COLEC11: variants seen among roughly 807,000 people sequenced by gnomAD.
The protein encoded by COLEC11 is collectin subfamily member 11.
A neutral mutation model predicts 27.3 loss-of-function variants in COLEC11; 20 were observed. The ratio of observed to expected loss-of-function variants is 0.73; its 90% confidence interval spans 0.51 to 1.06. COLEC11 has a LOEUF of 1.06. COLEC11 is among the 50% of genes least tolerant of loss of function. The probability of loss-of-function intolerance (pLI) is 0.00; values close to 1 mark genes in which losing one functional copy is unlikely to be tolerated. For missense variants in COLEC11, 310 were observed against 383.0 expected, an observed-to-expected ratio of 0.81 and a Z score of 1.59; for synonymous variants, 163 against 154.7, an observed-to-expected ratio of 1.05 and a Z score of -0.40.
intron 3 of COLEC11, 116 bp downstream of exon 3, chr2:3,613,498 G>T: frequency 1.8e-6 from 2 of 1,100,400 alleles, no homozygotes; most frequent in Non-Finnish European, 2.7e-6. Flanking sequence ...CTGCCCTCTG[G>T]GTCCCAGGGA....
rs545200515 is a variant in COLEC11, at chr2:3,644,548, A to G, written c.*430A>G. 6.8e-6 allele frequency: 3 copies of G among 440,064 alleles called. No homozygotes were observed. The highest frequency in any genetic ancestry group is 1.4e-5 in the Non-Finnish European group (3 of 221,868). The allele number at this position is 440,064 out of a possible 1,614,324, so 27.3% of individuals were successfully genotyped here. On this transcript the variant is annotated 3_prime_UTR_variant, in exon 7 of 7. Coordinates refer to ENST00000349077, the MANE Select transcript of COLEC11 (RefSeq NM_024027.5). ...CAACACTTCTGTAAATTACATTACA[A>G]TATAGGTTCCTTCACACTATTATCC...
At chr2:3,609,352 ATTTTTTTTTT>A (rs567474674) in intron 2 of COLEC11, among the ~76,000 whole-genome samples, 3 of 87,488 alleles carry the variant, frequency 3.4e-5, no homozygotes, top group Admixed American at 2.1e-4. Flanking sequence ...TTTTTCTTTG[ATTTTTTTTTT>A]TTTTTTTTTT....
rs78465066 is a variant in COLEC11, at chr2:3,616,981, C to T, written c.202+3599C>T. On this transcript the variant is annotated intron_variant, in intron 3 of 6. Transcript: ENST00000349077. The stretch of plus-strand genomic sequence containing the variant: ...TTATCCACTGATTGGTCAACAGACG[C>T]GTAGGTTGTTTTTATGTGATGGCTG... 6.7e-3 allele frequency among the ~76,000 whole-genome samples: 1,027 copies of T among 152,204 alleles called. 14 individuals are homozygous for T. The highest frequency in any genetic ancestry group is 0.024 in the African/African-American group (978 of 41,522).
rs769990502 is a variant in COLEC11, at chr2:3,643,936, G to A, written c.634G>A (p.Gly212Ser). 3 of 1,614,166 alleles carry A rather than the reference G, an allele frequency of 1.9e-6. No individual in the cohort carries two copies. The South Asian group carries it at 3.3e-5, about 18-fold the overall frequency. The change falls in exon 7 of 7, where the codon GGC becomes AGC. Residue 212 changes from glycine (G) to serine (S), a missense_variant. By Grantham distance (56) the Gly-to-Ser change is moderately conservative (BLOSUM62 0). Transcript: ENST00000349077. Reference protein sequence around the residue: ...FIGINDLEKEGAFVYSDHSPM... With the variant: ...FIGINDLEKESAFVYSDHSPM... The stretch of plus-strand genomic sequence containing the variant: ...CGGCATCAACGACCTGGAGAAGGAG[G>A]GCGCCTTCGTGTACTCTGACCACTC...
intron 2 of COLEC11, among the ~76,000 whole-genome samples, chr2:3,608,928 C>T (rs1282351601): frequency 1.3e-5 from 2 of 152,216 alleles, no homozygotes; most frequent in Non-Finnish European, 2.9e-5. Context: ...ATATTTTGTT[C>T]AATCCCCATC....
intron 3 of COLEC11, among the ~76,000 whole-genome samples, chr2:3,628,578 C>T (rs1159869116): frequency 6.6e-6 from 1 of 152,174 alleles, no homozygotes; most frequent in Non-Finnish European, 1.5e-5. Flanking sequence ...TGGGTGTGCG[C>T]TGGGGCTTTG....
rs1161947437 is a variant in COLEC11 at position 3,608,859 on chromosome 2, C to G, written c.130+4389C>G. ...CTCTCTGGTCCTCAGTGCTGTTGGT[C>G]CTGAACCAGGGATTAAAATACTTTT... On this transcript the variant is annotated intron_variant, in intron 2 of 6. Coordinates refer to ENST00000349077, the MANE Select transcript of COLEC11 (RefSeq NM_024027.5). 9.2e-5 allele frequency among the ~76,000 whole-genome samples: 14 copies of G among 152,302 alleles called. No individual in the cohort carries two copies. In the East Asian group the frequency reaches 2.3e-3, roughly 25 times the overall value.
chr2:3,608,717 G>A (rs1300094424), intron 2 of COLEC11, among the ~76,000 whole-genome samples: 5 of 152,196 alleles, frequency 3.3e-5, no homozygotes, highest in African/African-American at 1.2e-4. Context: ...ATTGTGAACA[G>A]TGCTTGAAAA....
Position 3,624,703 on chromosome 2 carries a change from A to AT in COLEC11, c.202+11328dup, listed in dbSNP as rs560721084. 1.7e-4 allele frequency among the ~76,000 whole-genome samples: 26 copies of AT among 152,154 alleles called. No individual in the cohort carries two copies. In the South Asian group the frequency reaches 4.8e-3, roughly 28 times the overall value. ...CCCTCATCAGTGCATCTATTCTTGGATTTTTTTCTCTAACAGTGTGCTGGA... is the reference window on the plus strand; with the variant it reads ...CCCTCATCAGTGCATCTATTCTTGGATTTTTTTTCTCTAACAGTGTGCTGGA... On this transcript the variant is annotated intron_variant, in intron 3 of 6. Coordinates refer to ENST00000349077, the MANE Select transcript of COLEC11 (RefSeq NM_024027.5).
intron 2 of COLEC11, among the ~76,000 whole-genome samples, chr2:3,606,949 G>A (rs1662753405): frequency 6.6e-6 from 1 of 152,220 alleles, no homozygotes; most frequent in African/African-American, 2.4e-5. Context: ...ACAAGCGTCC[G>A]TTGAGAATCC....
chr2:3,636,495 A>G (rs948939643), intron 3 of COLEC11, among the ~76,000 whole-genome samples: 2 of 152,228 alleles, frequency 1.3e-5, no homozygotes, highest in African/African-American at 4.8e-5. Flanking sequence ...GTCTTGCAGG[A>G]TTGCCCACAT....
rs527879882 is a variant in COLEC11 at position 3,630,147 on chromosome 2, G to T, written c.203-7386G>T. On this transcript the variant is annotated intron_variant, in intron 3 of 6. Transcript: ENST00000349077. The stretch of plus-strand genomic sequence containing the variant: ...TGCACATCTCTATGTGTATATGCAT[G>T]TGCATGTGTGTATGTATGCATATAG... 2.6e-4 allele frequency among the ~76,000 whole-genome samples: 40 copies of T among 152,150 alleles called. No individual in the cohort carries two copies. The South Asian group carries it at 7.9e-3, about 30-fold the overall frequency.
rs1001393071 is a variant in COLEC11, at chr2:3,603,451, G to A, written c.-26-864G>A. On this transcript the variant is annotated intron_variant, in intron 1 of 6. Transcript: ENST00000349077. ...CCTGCCTCAGCCTCCCAAGTAGCTG[G>A]GATTAGAGGTGCCCGCCACCACACC... 1.2e-5 allele frequency: 7 copies of A among 576,118 alleles called. No individual in the cohort carries two copies. In the East Asian group the frequency reaches 1.9e-4, roughly 16 times the overall value. 35.7% of individuals were successfully genotyped at this position (576,118 alleles called of 1,614,324 possible). A position where few individuals can be genotyped will look rare whatever the true frequency, so the allele number is the denominator to read the frequency against.
At chr2:3,640,214 G>A (rs1356140477) in intron 4 of COLEC11, 64 bp from the exon 5 acceptor site, 1 of 990,288 alleles carries the variant, frequency 1.0e-6, no homozygotes, top group Non-Finnish European at 1.6e-6. Context: ...CAGTCTTGAT[G>A]TTTTTAACAC....
At chr2:3,642,594 C>T (rs1334216924) in intron 5 of COLEC11, among the ~76,000 whole-genome samples, 1 of 152,218 alleles carries the variant, frequency 6.6e-6, no homozygotes, top group East Asian at 1.9e-4. Context: ...TGCAAAGCCG[C>T]AGAGCTCCTC....
At chr2:3,617,828 C>T (rs1663888279) in intron 3 of COLEC11, 1 of 666,900 alleles carries the variant, frequency 1.5e-6, no homozygotes, top group African/African-American at 1.8e-5. Flanking sequence ...AAGGGCTCGC[C>T]TTTCTCCACA....
In COLEC11 at chr2:3,643,715, C is replaced by A; in HGVS notation, c.425-12C>A. 1 of 1,613,580 alleles carries A rather than the reference C, an allele frequency of 6.2e-7. No homozygotes were observed. Among genetic ancestry groups the A allele is most frequent in the Admixed American group, 1.7e-5 (1 of 60,028 alleles). ...ACAAGTGCTCACTTTTCAACCCTGC[C>A]TTACCCCACAGCTGTCGCCGGTGTG... On this transcript the variant is annotated splice_polypyrimidine_tract_variant and intron_variant, in intron 6 of 6. Transcript: ENST00000349077.
chr2:3,635,866 G>C (rs556776690), intron 3 of COLEC11, among the ~76,000 whole-genome samples: 1 of 152,240 alleles, frequency 6.6e-6, no homozygotes, highest in African/African-American at 2.4e-5. Flanking sequence ...CTGCCATGCC[G>C]GGCCATGTCA....
intron 2 of COLEC11, among the ~76,000 whole-genome samples, chr2:3,607,635 G>T (rs376380498): frequency 6.6e-6 from 1 of 151,956 alleles, no homozygotes. Context: ...TTTTAGTAGA[G>T]ACGGGGTTTC....
Sources: gnomAD v4.1 joint callset for allele counts (sites outside exome capture counted in the v4.1 genomes callset) on GRCh38, gnomAD v4.1.1 for gene constraint, MANE v1.5 for transcripts, NCBI Gene and HGNC (gene_info 2026-07-23, HGNC 2026-07-21) for gene names.